The following ENOX1 variants were observed in gnomAD, a reference collection of about 807,000 sequenced individuals.
The protein encoded by ENOX1 is ecto-NOX disulfide-thiol exchanger 1, also known as candidate growth-related and time keeping constitutive hydroquinone (NADH) oxidase.
ENOX1 carries 42 observed loss-of-function variants against 82.5 expected under a neutral mutation model. The ratio of observed to expected loss-of-function variants is 0.51; its 90% CI spans 0.40 to 0.66. The LOEUF is 0.66. Among genes scored for constraint, ENOX1 ranks in the 30% least tolerant of loss-of-function variants. ENOX1 has a pLI of 0.00. For missense variants in ENOX1, 608 were observed against 811.6 expected (o/e 0.75, Z 3.05); for synonymous variants, 271 against 282.2 (o/e 0.96, Z 0.40).
At chr13:43,650,050 G>A (rs1206370917) in intron 2 of ENOX1, among the ~76,000 whole-genome samples, 6 of 152,160 alleles carry the variant, frequency 3.9e-5, no homozygotes, top group East Asian at 1.9e-4. Flanking sequence ...CTCTGACAAC[G>A]TTCTCACGGA....
At chr13:43,616,749 C>G (rs1417957389) in intron 2 of ENOX1, among the ~76,000 whole-genome samples, 5 of 152,094 alleles carry the variant, frequency 3.3e-5, no homozygotes, top group Admixed American at 6.6e-5. Flanking sequence ...TTCCCTTCTT[C>G]TTTTCCTCCT....
intron 10 of ENOX1, among the ~76,000 whole-genome samples, chr13:43,325,977 T>C (rs1327929556): frequency 1.3e-5 from 2 of 152,002 alleles, no homozygotes; most frequent in Non-Finnish European, 2.9e-5. Flanking sequence ...ATGGCTAGCA[T>C]AGGGACTAAG....
intron 14 of ENOX1, among the ~76,000 whole-genome samples, chr13:43,264,750 A>G (rs1451794910): frequency 3.3e-5 from 5 of 152,228 alleles, no homozygotes; most frequent in African/African-American, 1.2e-4. Flanking sequence ...GCAATGATCT[A>G]CAGGGTATAA....
At chr13:43,505,448 T>G (rs1047932001) in intron 2 of ENOX1, among the ~76,000 whole-genome samples, 3 of 151,996 alleles carry the variant, frequency 2.0e-5, no homozygotes, top group Non-Finnish European at 4.4e-5. Flanking sequence ...ATACAAAGTT[T>G]GCAGTCAAAT....
intron 2 of ENOX1, among the ~76,000 whole-genome samples, chr13:43,660,998 T>C (rs921129500): frequency 6.6e-6 from 1 of 152,214 alleles, no homozygotes; most frequent in Non-Finnish European, 1.5e-5. Flanking sequence ...TTTTTTAAAA[T>C]ACCAGCTTAG....
chr13:43,521,841 C>A (rs967084310), intron 2 of ENOX1, among the ~76,000 whole-genome samples: 1 of 152,068 alleles, frequency 6.6e-6, no homozygotes, highest in Non-Finnish European at 1.5e-5. Flanking sequence ...TCAGTACATG[C>A]TTTTTTGAGT....
chr13:43,299,827 C>G (rs1220297928), intron 11 of ENOX1, among the ~76,000 whole-genome samples: 1 of 152,120 alleles, frequency 6.6e-6, no homozygotes, highest in African/African-American at 2.4e-5. Flanking sequence ...GGTGTGGAGC[C>G]CACTGCACAC....
chr13:43,695,196 C>T (rs1184960644), intron 1 of ENOX1, among the ~76,000 whole-genome samples: 1 of 151,890 alleles, frequency 6.6e-6, no homozygotes, highest in Non-Finnish European at 1.5e-5. Context: ...ATGTGAACTG[C>T]ATGCTCTTCT....
At chr13:43,409,169 T>C (rs147965216) in intron 5 of ENOX1, among the ~76,000 whole-genome samples, 2 of 152,120 alleles carry the variant, frequency 1.3e-5, no homozygotes, top group Non-Finnish European at 2.9e-5. Flanking sequence ...AGGGTAGTTA[T>C]AGAATAATTT....
At chr13:43,708,088 C>T (rs1438342748) in intron 1 of ENOX1, among the ~76,000 whole-genome samples, 3 of 152,142 alleles carry the variant, frequency 2.0e-5, no homozygotes, top group South Asian at 2.1e-4. Context: ...TGATGATCAG[C>T]GGCTTCCTAA....
chr13:43,366,001 C>T (rs1239020208), intron 5 of ENOX1, among the ~76,000 whole-genome samples: 1 of 152,226 alleles, frequency 6.6e-6, no homozygotes, highest in Admixed American at 6.5e-5. Flanking sequence ...CATCACTCTG[C>T]AGAGAAGCCA....
intron 5 of ENOX1, among the ~76,000 whole-genome samples, chr13:43,379,384 G>T (rs1214493064): frequency 1.3e-5 from 2 of 151,990 alleles, no homozygotes; most frequent in African/African-American, 4.8e-5. Flanking sequence ...GACAGAATTC[G>T]TAGACAAAAA....
chr13:43,321,877 C>G (rs1469800446), intron 11 of ENOX1, among the ~76,000 whole-genome samples: 1 of 152,216 alleles, frequency 6.6e-6, no homozygotes, highest in Non-Finnish European at 1.5e-5. Flanking sequence ...CTCTAAGTTT[C>G]TCTTCTTTGT....
chr13:43,760,434 C>G (rs1950898979), intron 1 of ENOX1, among the ~76,000 whole-genome samples: 1 of 152,168 alleles, frequency 6.6e-6, no homozygotes, highest in Non-Finnish European at 1.5e-5. Context: ...TGTAGAGGAA[C>G]AGAACTCCCA....
At chr13:43,676,223 A>G (rs2771404) in intron 1 of ENOX1, among the ~76,000 whole-genome samples, 42,568 of 152,028 alleles carry the variant, frequency 0.28, 9,368 homozygotes, top group African/African-American at 0.61. Flanking sequence ...TTAGGAAAAA[A>G]AGACAAAAAC....
intron 5 of ENOX1, among the ~76,000 whole-genome samples, chr13:43,396,091 A>G (rs1373001492): frequency 6.6e-6 from 1 of 152,150 alleles, no homozygotes; most frequent in African/African-American, 2.4e-5. Context: ...TTGAACTGAG[A>G]CCATCTAATC....
chr13:43,222,112 C>T (rs923925298), intron 16 of ENOX1, among the ~76,000 whole-genome samples: 2 of 152,220 alleles, frequency 1.3e-5, no homozygotes, highest in East Asian at 3.9e-4. Context: ...GAAATACTTT[C>T]TTCATCACTC....
chr13:43,298,305 C>T, intron 12 of ENOX1, 41 bp downstream of exon 12: 1 of 1,496,032 alleles, frequency 6.7e-7, no homozygotes, highest in South Asian at 1.3e-5. Flanking sequence ...ATACACATAT[C>T]TCTTTCTCTC....
rs544378554 is a variant in ENOX1 at position 43,614,959 on chromosome 13, T to C, written c.-219+52520A>G. ...ATTTTAACAAGATCTCTTGGTGATC[T>C]GAATGTACATTAAAGTTTGAGGAGC... On this transcript the variant is annotated intron_variant, in intron 2 of 16. Transcript: ENST00000690772. 1.2e-4 allele frequency among the ~76,000 whole-genome samples: 18 copies of C among 152,284 alleles called. No homozygotes were observed. In the South Asian group the frequency reaches 3.7e-3, roughly 32 times the overall value.
Sources: allele counts gnomAD v4.1 joint callset (sites outside exome capture counted in the v4.1 genomes callset), GRCh38; gene constraint gnomAD v4.1.1; transcripts MANE v1.5; gene names NCBI Gene and HGNC (gene_info 2026-07-23, HGNC 2026-07-21).